Variants in VPS13B observed in about 807,000 individuals in gnomAD.
VPS13B encodes the protein intermembrane lipid transfer protein VPS13B.
A neutral mutation model predicts 426.4 loss-of-function variants in VPS13B; 285 were observed. That is an observed-to-expected ratio of 0.67 (90% CI 0.61 to 0.74). VPS13B has a LOEUF of 0.74. Among genes scored for constraint, VPS13B ranks in the 30% least tolerant of loss-of-function variants. The pLI, the probability that VPS13B is intolerant of heterozygous loss-of-function variation, is 0.00. For missense variants in VPS13B, 4,537 were observed against 4,782.6 expected (o/e 0.95, Z 1.51); for synonymous variants, 1,676 against 1,676.4 (o/e 1.00, Z 0.01).
At chr8:99,463,537 G>T (rs1000091860) in intron 23 of VPS13B, among the ~76,000 whole-genome samples, 1 of 151,996 alleles carries the variant, frequency 6.6e-6, no homozygotes, top group African/African-American at 2.4e-5. Flanking sequence ...ACTGAAGGTT[G>T]CTCATTTTCA....
chr8:99,021,629 A>C (rs1372523289), intron 2 of VPS13B, among the ~76,000 whole-genome samples: 2 of 151,042 alleles, frequency 1.3e-5, no homozygotes, highest in Admixed American at 6.6e-5. Flanking sequence ...TCAAAAAAAA[A>C]ACAAAAACAC....
At chr8:99,784,237 T>C in intron 42 of VPS13B, 78 bp from the exon 43 acceptor site, 1 of 1,587,426 alleles carries the variant, frequency 6.3e-7, no homozygotes, top group Middle Eastern at 1.8e-4. Flanking sequence ...GTTGTAACAA[T>C]CGCCACTGGG....
rs555207447 is a variant in VPS13B at position 99,859,424 on chromosome 8, C to A, written c.10988C>A (p.Ala3663Asp). The A allele has an allele frequency of 1.2e-6, 2 of 1,614,122 alleles. No individual in the cohort carries two copies. Among genetic ancestry groups the A allele is most frequent in the South Asian group, 1.1e-5 (1 of 91,078 alleles). The change falls in exon 57 of 62, where the codon GCC (alanine) becomes GAC (aspartate). Residue 3663 changes from alanine (A) to aspartate (D), a missense_variant. Physicochemically the swap from Ala to Asp is moderately radical, Grantham distance 126. This residue lies in a region of VPS13B where 4,311 missense variants were observed against 4,474.3 expected (regional missense o/e 0.96). Coordinates refer to ENST00000357162, the MANE Select transcript of VPS13B (RefSeq NM_152564.5). ...PYEGLTRGPG[A>D]FVSGVSRGTT... ...GAGGGGCTGACCCGGGGCCCTGGAGCCTTCGTGAGTGGCGTCTCCAGAGGG... is the reference window on the plus strand; with the variant it reads ...GAGGGGCTGACCCGGGGCCCTGGAGACTTCGTGAGTGGCGTCTCCAGAGGG...
At chr8:99,681,150 A>G (rs577671496) in intron 35 of VPS13B, among the ~76,000 whole-genome samples, 2 of 152,344 alleles carry the variant, frequency 1.3e-5, no homozygotes, top group South Asian at 2.1e-4. Context: ...TCAGAGAAAC[A>G]TGTTGATGTA....
chr8:99,352,559 C>T (rs971628338), intron 19 of VPS13B, among the ~76,000 whole-genome samples: 9 of 152,098 alleles, frequency 5.9e-5, no homozygotes, highest in African/African-American at 1.9e-4. Context: ...CCTGGCTGGG[C>T]GCAGTGGCTC....
chr8:99,683,982 T>C lies in VPS13B; in HGVS notation c.6047-15543T>C, dbSNP rs558944352. Reference sequence around the variant, plus strand: ...ATGTTAGCTGTAGGCTTTTCATATATAGCCTTCATCAGGTTAAGTTTCCCT... The same window carrying C: ...ATGTTAGCTGTAGGCTTTTCATATACAGCCTTCATCAGGTTAAGTTTCCCT... On this transcript the variant is annotated intron_variant, in intron 35 of 61. Coordinates refer to ENST00000357162, the MANE Select transcript of VPS13B (RefSeq NM_152564.5). Among the ~76,000 whole-genome samples the C allele has an allele frequency of 8.5e-5, 13 of 152,368 alleles. No individual in the cohort carries two copies. In the South Asian group the frequency reaches 2.7e-3, roughly 32 times the overall value.
At chr8:99,328,203 T>C (rs1347775580) in intron 19 of VPS13B, among the ~76,000 whole-genome samples, 1 of 152,150 alleles carries the variant, frequency 6.6e-6, no homozygotes, top group Non-Finnish European at 1.5e-5. Context: ...GAATCTAATG[T>C]CTGATGATCT....
In VPS13B at chr8:99,744,684, G is replaced by A. The variant is rs567519646; in HGVS notation, c.7051-22090G>A. Among the ~76,000 whole-genome samples the A allele has an allele frequency of 1.9e-4, 29 of 152,198 alleles. 1 individual carries two copies. In the East Asian group the frequency reaches 4.1e-3, roughly 21 times the overall value. The stretch of plus-strand genomic sequence containing the variant: ...TGTCCTTTGTAGGGACATGGATGAA[G>A]CTGGAAACCATCATTCTCAGCAAAC... On this transcript the variant is annotated intron_variant, in intron 39 of 61. Coordinates refer to ENST00000357162, the MANE Select transcript of VPS13B (RefSeq NM_152564.5).
chr8:99,049,543 AG>A (rs1401870997), intron 3 of VPS13B, among the ~76,000 whole-genome samples: 9 of 149,098 alleles, frequency 6.0e-5, no homozygotes, highest in Non-Finnish European at 1.0e-4. Context: ...TTAATTCAAT[AG>A]GTTTTTTTTT....
chr8:99,635,922 A>G (rs1829047746), intron 33 of VPS13B, among the ~76,000 whole-genome samples: 2 of 152,004 alleles, frequency 1.3e-5, no homozygotes, highest in Admixed American at 1.3e-4. Context: ...GAGCTGGTAA[A>G]CTTACCTATC....
chr8:99,248,995 A>G (rs1047182568), intron 17 of VPS13B, among the ~76,000 whole-genome samples: 1 of 152,182 alleles, frequency 6.6e-6, no homozygotes, highest in Non-Finnish European at 1.5e-5. Context: ...AAATCTTTAT[A>G]TCACTCCATA....
intron 33 of VPS13B, among the ~76,000 whole-genome samples, chr8:99,593,745 G>A (rs371828052): frequency 3.1e-4 from 47 of 151,972 alleles, no homozygotes; most frequent in Non-Finnish European, 2.5e-4. Context: ...GAACAAGATC[G>A]TGTACTGTGC....
At chr8:99,014,683 A>G (rs1266831417) in intron 2 of VPS13B, among the ~76,000 whole-genome samples, 1 of 146,968 alleles carries the variant, frequency 6.8e-6, no homozygotes, top group Admixed American at 6.7e-5. Flanking sequence ...GGGGTCGAGG[A>G]AAAAAAGACA....
At chr8:99,129,589 AAG>A (rs1360200715) in intron 8 of VPS13B, among the ~76,000 whole-genome samples, 5 of 151,098 alleles carry the variant, frequency 3.3e-5, no homozygotes, top group African/African-American at 1.2e-4. Flanking sequence ...AAAAAAAAAA[AAG>A]TCTGACATTT....
chr8:99,764,482 T>C (rs1458453183), intron 39 of VPS13B, among the ~76,000 whole-genome samples: 1 of 150,548 alleles, frequency 6.6e-6, no homozygotes, highest in Non-Finnish European at 1.5e-5. Flanking sequence ...GGCGCGATCT[T>C]GGCTCATGGC....
At chr8:99,443,627 A>T (rs992630767) in intron 23 of VPS13B, among the ~76,000 whole-genome samples, 6 of 152,080 alleles carry the variant, frequency 3.9e-5, no homozygotes, top group African/African-American at 1.4e-4. Flanking sequence ...TATTTTTAAG[A>T]TTGATTCATG....
intron 43 of VPS13B, among the ~76,000 whole-genome samples, chr8:99,806,265 C>T (rs1172864616): frequency 2.0e-5 from 3 of 152,234 alleles, no homozygotes; most frequent in African/African-American, 4.8e-5. Flanking sequence ...TCCCTTTTCT[C>T]TCGCCAGTTG....
At chr8:99,376,181 A>G (rs2133273992) in intron 19 of VPS13B, among the ~76,000 whole-genome samples, 1 of 152,352 alleles carries the variant, frequency 6.6e-6, no homozygotes, top group South Asian at 2.1e-4. Context: ...AAAATTAAAC[A>G]GAATAAAATA....
rs192640367 is a variant in VPS13B at position 99,718,834 on chromosome 8, T to C, written c.6657+1461T>C. On this transcript the variant is annotated intron_variant, in intron 37 of 61. Coordinates refer to ENST00000357162, the MANE Select transcript of VPS13B (RefSeq NM_152564.5). ...AGCATGCACCACTATGCTTGACTAT[T>C]TTTTTTAAGAGACAGGTTCTCACTA... is the stretch of plus-strand genomic sequence containing the variant. Among the ~76,000 whole-genome samples the C allele has an allele frequency of 8.4e-4, 127 of 151,906 alleles. 3 individuals carry two copies. The highest frequency in any genetic ancestry group is 8.5e-4 in the Non-Finnish European group (58 of 67,906).
Sources: allele counts gnomAD v4.1 joint callset (sites outside exome capture counted in the v4.1 genomes callset), GRCh38; gene constraint gnomAD v4.1.1; regional missense constraint gnomAD v4.1.1; transcripts MANE v1.5; gene names NCBI Gene and HGNC (gene_info 2026-07-23, HGNC 2026-07-21).